MTDH: variants seen among roughly 807,000 people sequenced by gnomAD.
MTDH encodes the protein protein LYRIC.
In MTDH, 34 loss-of-function variants were observed where a neutral mutation model predicts 72.7. The ratio of observed to expected loss-of-function variants is 0.47; its 90% confidence interval spans 0.36 to 0.62. MTDH has a LOEUF of 0.62. Ranked by LOEUF, MTDH falls within the 20% of genes least tolerant of loss-of-function variation. The pLI is 0.00. For missense variants in MTDH, 677 were observed against 699.4 expected, an observed-to-expected ratio of 0.97 and a Z score of 0.36; for synonymous variants, 266 against 268.9, an observed-to-expected ratio of 0.99 and a Z score of 0.10.
chr8:97,686,560 T>G, intron 2 of MTDH, 108 bp from the exon 3 acceptor site: 1 of 553,276 alleles, frequency 1.8e-6, no homozygotes, highest in East Asian at 4.1e-5. Flanking sequence ...AATCAAACAT[T>G]AATTTTTTTT....
At chr8:97,646,272 T>G (rs1440873184) in intron 1 of MTDH, among the ~76,000 whole-genome samples, 1 of 152,152 alleles carries the variant, frequency 6.6e-6, no homozygotes, top group East Asian at 1.9e-4. Flanking sequence ...GCCTGCTGAT[T>G]AAGAGATGCA....
intron 2 of MTDH, among the ~76,000 whole-genome samples, chr8:97,668,404 T>C (rs2130950302): frequency 6.6e-6 from 1 of 152,070 alleles, no homozygotes; most frequent in South Asian, 2.1e-4. Context: ...CACATTGCAA[T>C]ATAGGGGCAC....
At chr8:97,657,740 T>C (rs1017412715) in intron 1 of MTDH, among the ~76,000 whole-genome samples, 3 of 152,128 alleles carry the variant, frequency 2.0e-5, no homozygotes, top group Non-Finnish European at 4.4e-5. Flanking sequence ...ACTTCTGAGC[T>C]CTTGCTGATC....
At chr8:97,712,237 C>G (rs1814668077) in intron 8 of MTDH, among the ~76,000 whole-genome samples, 1 of 152,146 alleles carries the variant, frequency 6.6e-6, no homozygotes, top group Non-Finnish European at 1.5e-5. Context: ...GGGGTTTCAC[C>G]ATAGTGGTCA....
At chr8:97,668,446 T>C (rs1271755010) in intron 2 of MTDH, among the ~76,000 whole-genome samples, 2 of 151,656 alleles carry the variant, frequency 1.3e-5, no homozygotes, top group Non-Finnish European at 2.9e-5. Context: ...GGCTGTGTCA[T>C]GGGCCAAAAA....
At chr8:97,719,271 G>A in intron 10 of MTDH, 82 bp downstream of exon 10, 1 of 1,419,262 alleles carries the variant, frequency 7.0e-7, no homozygotes, top group Non-Finnish European at 9.6e-7. Context: ...AAGGTGGGCA[G>A]GTCATGAGGT....
In MTDH at chr8:97,708,906, G is replaced by C. The variant is rs367601729; in HGVS notation, c.1272+2156G>C. Among the ~76,000 whole-genome samples, 7 of 151,928 alleles carry C rather than the reference G, an allele frequency of 4.6e-5. No homozygotes were observed. In the East Asian group the frequency reaches 7.8e-4, roughly 17 times the overall value. On this transcript the variant is annotated intron_variant, in intron 8 of 11. Coordinates refer to ENST00000336273, the MANE Select transcript of MTDH (RefSeq NM_178812.4). ...TGAGCCACTGCCCCCAGCCAGGATT[G>C]GTCTTTAAAACAGGATATAGGCCGG...
At position 97,724,780 on chromosome 8, in the gene MTDH, A is replaced by G. The variant is rs1431071212; in HGVS notation, c.*110A>G. On this transcript the variant is annotated 3_prime_UTR_variant, in exon 12 of 12. Coordinates refer to ENST00000336273, the MANE Select transcript of MTDH (RefSeq NM_178812.4). The stretch of plus-strand genomic sequence containing the variant: ...CAGAGTTTTATATAAATTTAAACCA[A>G]TTTTTAAAACAAAACTGCGGACACC... 7.5e-6 allele frequency: 6 copies of G among 797,852 alleles called. No homozygotes were observed. The highest frequency in any genetic ancestry group is 2.8e-5 in the East Asian group (1 of 35,144). 49.4% of individuals were successfully genotyped at this position (797,852 alleles called of 1,614,324 possible).
intron 2 of MTDH, among the ~76,000 whole-genome samples, chr8:97,680,536 C>T (rs1188350864): frequency 2.6e-5 from 4 of 152,148 alleles, no homozygotes; most frequent in African/African-American, 7.2e-5. Context: ...CATGCCTATA[C>T]ATGTACTTAA....
At chr8:97,677,977 A>G (rs987038434) in intron 2 of MTDH, among the ~76,000 whole-genome samples, 4 of 152,232 alleles carry the variant, frequency 2.6e-5, no homozygotes, top group African/African-American at 9.6e-5. Flanking sequence ...ACAGCCAATC[A>G]AAATGCATTC....
At chr8:97,684,132 T>G (rs1472683655) in intron 2 of MTDH, among the ~76,000 whole-genome samples, 1 of 126,250 alleles carries the variant, frequency 7.9e-6, no homozygotes, top group African/African-American at 2.9e-5. Flanking sequence ...AGTGAAAAAC[T>G]CCTTCTCAAA....
intron 2 of MTDH, among the ~76,000 whole-genome samples, chr8:97,673,685 C>T (rs1340377879): frequency 1.3e-5 from 2 of 149,436 alleles, no homozygotes; most frequent in Admixed American, 1.3e-4. Flanking sequence ...AGGGGGGGCA[C>T]AGGAATTGGC....
chr8:97,719,492 CAAAAA>C (rs11383714), intron 10 of MTDH, among the ~76,000 whole-genome samples: 22 of 79,920 alleles, frequency 2.8e-4, no homozygotes, highest in East Asian at 6.3e-4. Flanking sequence ...GACACTGTCT[CAAAAA>C]AAAAAAAAAA....
intron 9 of MTDH, among the ~76,000 whole-genome samples, chr8:97,714,604 CA>C (rs1312798896): frequency 0.012 from 1,450 of 123,624 alleles, 16 homozygotes; most frequent in African/African-American, 0.033. Flanking sequence ...GAACCTGTCT[CA>C]AAAAAAAAAA....
chr8:97,709,749 T>G (rs990272908), intron 8 of MTDH, among the ~76,000 whole-genome samples: 7 of 152,228 alleles, frequency 4.6e-5, no homozygotes, highest in African/African-American at 1.7e-4. Flanking sequence ...TTGTTCACAA[T>G]TTTGGTTACC....
At chr8:97,650,615 C>T (rs1811734745) in intron 1 of MTDH, among the ~76,000 whole-genome samples, 1 of 152,194 alleles carries the variant, frequency 6.6e-6, no homozygotes, top group East Asian at 1.9e-4. Context: ...GGCCCAGCTG[C>T]AGTGCTGCTT....
chr8:97,661,442 A>T (rs1285017234), intron 2 of MTDH, among the ~76,000 whole-genome samples: 1 of 152,216 alleles, frequency 6.6e-6, no homozygotes, highest in East Asian at 1.9e-4. Flanking sequence ...CACAACTTGA[A>T]CATCTTGTGT....
intron 2 of MTDH, among the ~76,000 whole-genome samples, chr8:97,686,041 A>G (rs1049779034): frequency 6.6e-6 from 1 of 152,208 alleles, no homozygotes; most frequent in African/African-American, 2.4e-5. Flanking sequence ...ACATCTGTAT[A>G]CAAATCCTAG....
At chr8:97,697,131 T>TA (rs1813876308) in intron 6 of MTDH, among the ~76,000 whole-genome samples, 2 of 67,584 alleles carry the variant, frequency 3.0e-5, no homozygotes, top group African/African-American at 1.8e-4. Context: ...AAAAAAAAAA[T>TA]ATATATATAT....
Sources: gnomAD v4.1 joint callset for allele counts (sites outside exome capture counted in the v4.1 genomes callset) on GRCh38, gnomAD v4.1.1 for gene constraint, MANE v1.5 for transcripts, NCBI Gene and HGNC (gene_info 2026-07-23, HGNC 2026-07-21) for gene names.